Variants in GLG1 observed in about 807,000 individuals in gnomAD.
The protein encoded by GLG1 is golgi glycoprotein 1.
In GLG1, 38 loss-of-function variants were observed where a neutral mutation model predicts 160.5. The observed-to-expected ratio is 0.24, with a 90% confidence interval of 0.18 to 0.31. The LOEUF is 0.31. GLG1 is among the 10% of genes least tolerant of loss of function. The pLI, the probability that GLG1 is intolerant of heterozygous loss-of-function variation, is 1.00. For synonymous variants in GLG1, 644 were observed against 543.4 expected (o/e 1.19, Z -2.57); for missense variants, 1,373 against 1,505.2 (o/e 0.91, Z 1.45).
chr16:74,604,301 G>A (rs1958513154), intron 1 of GLG1, among the ~76,000 whole-genome samples: 1 of 152,224 alleles, frequency 6.6e-6, no homozygotes, highest in Non-Finnish European at 1.5e-5. Context: ...GAACTGATAT[G>A]TAGGCACTGT....
intron 1 of GLG1, among the ~76,000 whole-genome samples, chr16:74,601,356 G>A (rs1958435018): frequency 6.6e-6 from 1 of 151,926 alleles, no homozygotes; most frequent in Non-Finnish European, 1.5e-5. Context: ...GAGGAGGGTG[G>A]GTCGGTTGAG....
At chr16:74,474,748 T>A in intron 12 of GLG1, 116 bp from the exon 13 acceptor site, 1 of 722,014 alleles carries the variant, frequency 1.4e-6, no homozygotes, top group Non-Finnish European at 2.5e-6. Context: ...CTCTTCTTTT[T>A]AAAATTACCT....
intron 1 of GLG1, among the ~76,000 whole-genome samples, chr16:74,603,471 T>C (rs1303931988): frequency 6.6e-6 from 1 of 151,820 alleles, no homozygotes; most frequent in Non-Finnish European, 1.5e-5. Flanking sequence ...AGAGACGGTG[T>C]CTCACTATGT....
intron 1 of GLG1, among the ~76,000 whole-genome samples, chr16:74,599,167 T>A (rs1420899518): frequency 6.6e-6 from 1 of 152,178 alleles, no homozygotes; most frequent in Non-Finnish European, 1.5e-5. Flanking sequence ...AATTATCTGC[T>A]GTAATATTTT....
intron 1 of GLG1, among the ~76,000 whole-genome samples, chr16:74,579,493 G>A (rs1225896978): frequency 2.1e-5 from 3 of 145,876 alleles, no homozygotes; most frequent in Non-Finnish European, 3.0e-5. Flanking sequence ...AGGCCGAAGT[G>A]GGTGGATCAC....
At chr16:74,575,984 G>C (rs1470473705) in intron 1 of GLG1, among the ~76,000 whole-genome samples, 1 of 152,078 alleles carries the variant, frequency 6.6e-6, no homozygotes, top group Non-Finnish European at 1.5e-5. Flanking sequence ...CAGATCACCT[G>C]AGGTCAAGAG....
chr16:74,515,445 T>C (rs2016948204), intron 2 of GLG1, among the ~76,000 whole-genome samples: 1 of 152,132 alleles, frequency 6.6e-6, no homozygotes, highest in African/African-American at 2.4e-5. Context: ...CAACAAACTG[T>C]CTCTCAGACC....
chr16:74,484,782 T>C (rs2015733613), intron 9 of GLG1, among the ~76,000 whole-genome samples: 1 of 151,972 alleles, frequency 6.6e-6, no homozygotes, highest in Admixed American at 6.6e-5. Context: ...AAAATAAAAA[T>C]AAATTGTATT....
At chr16:74,516,221 G>C (rs1321718352) in intron 2 of GLG1, among the ~76,000 whole-genome samples, 1 of 151,620 alleles carries the variant, frequency 6.6e-6, no homozygotes, top group East Asian at 1.9e-4. Flanking sequence ...GACATCTACA[G>C]AACTCTCCAC....
At chr16:74,592,147 T>C (rs902941559) in intron 1 of GLG1, among the ~76,000 whole-genome samples, 6 of 152,066 alleles carry the variant, frequency 3.9e-5, no homozygotes, top group African/African-American at 1.4e-4. Context: ...TATTCACTGA[T>C]TGATTGATTG....
Position 74,457,867 on chromosome 16 carries a change from G to C in GLG1, c.3265+7C>G, listed in dbSNP as rs753454215. ...AGACAGGATCAAGAGTGAACACAGA[G>C]ACTTACGACGCCCGCGGCCAGGGGT... On this transcript the variant is annotated splice_region_variant and intron_variant, in intron 24 of 25. Coordinates refer to ENST00000422840, the MANE Select transcript of GLG1 (RefSeq NM_001145667.2). 2.5e-6 allele frequency: 4 copies of C among 1,613,538 alleles called. No homozygotes were observed. The South Asian group carries it at 3.3e-5, about 13-fold the overall frequency.
chr16:74,480,292 C>A lies in GLG1; in HGVS notation c.1776G>T (p.Val592=). The A allele has an allele frequency of 6.2e-7, 1 of 1,613,392 alleles. No homozygotes were observed. The highest frequency in any genetic ancestry group is 1.3e-5 in the African/African-American group (1 of 75,052). ...AGGCGTGTCTGTATAAACAAGAGAA[C>A]ACAGCTCCCTGAGGCATAAATTCAC... The part of the protein sequence containing the change: ...ETSEFMPQGA[V]FSCLYRHAYR... Residue 592 remains valine, a synonymous_variant, in exon 11 of 26, where the codon GTG becomes GTT. Transcript: ENST00000422840.
intron 8 of GLG1, among the ~76,000 whole-genome samples, chr16:74,490,391 C>G (rs573221967): frequency 2.0e-5 from 3 of 152,306 alleles, no homozygotes; most frequent in Admixed American, 1.3e-4. Flanking sequence ...CAAACCTGCA[C>G]ATGTATCCTG....
chr16:74,477,312 T>G (rs2015418649), intron 12 of GLG1, 84 bp downstream of exon 12: 1 of 1,006,638 alleles, frequency 9.9e-7, no homozygotes, highest in Non-Finnish European at 1.6e-6. Flanking sequence ...GAGAGATGGA[T>G]TTTATGGTGT....
chr16:74,489,010 C>T (rs549911583), intron 8 of GLG1, among the ~76,000 whole-genome samples: 2 of 152,286 alleles, frequency 1.3e-5, no homozygotes, highest in Admixed American at 1.3e-4. Context: ...TCTGGACACA[C>T]AGGGTGATGT....
intron 1 of GLG1, among the ~76,000 whole-genome samples, chr16:74,542,500 C>T (rs1049207120): frequency 6.6e-6 from 1 of 151,766 alleles, no homozygotes; most frequent in Non-Finnish European, 1.5e-5. Flanking sequence ...GAAACCCCAT[C>T]TCTATTAAAA....
chr16:74,541,697 C>T (rs2017871670), intron 1 of GLG1, among the ~76,000 whole-genome samples: 1 of 152,196 alleles, frequency 6.6e-6, no homozygotes, highest in East Asian at 1.9e-4. Flanking sequence ...CCATTTTAAA[C>T]AACAAAAACG....
At chr16:74,583,356 GA>G (rs1312564567) in intron 1 of GLG1, among the ~76,000 whole-genome samples, 1 of 152,118 alleles carries the variant, frequency 6.6e-6, no homozygotes, top group African/African-American at 2.4e-5. Context: ...CATATTTTTG[GA>G]GGTAGTGTAA....
At chr16:74,553,529 G>C (rs1466853344) in intron 1 of GLG1, among the ~76,000 whole-genome samples, 1 of 142,892 alleles carries the variant, frequency 7.0e-6, no homozygotes, top group African/African-American at 2.7e-5. Context: ...CTGGAGTGCA[G>C]TGGCACGATC....
Sources: allele counts gnomAD v4.1 joint callset (sites outside exome capture counted in the v4.1 genomes callset), GRCh38; gene constraint gnomAD v4.1.1; transcripts MANE v1.5; gene names NCBI Gene and HGNC (gene_info 2026-07-23, HGNC 2026-07-21).